The following CLSTN2 variants were observed in gnomAD, a reference collection of about 807,000 sequenced individuals.
CLSTN2 encodes calsyntenin-2.
CLSTN2 carries 48 observed loss-of-function variants against 101.2 expected under a neutral mutation model. That is an observed-to-expected ratio of 0.47 (90% CI 0.38 to 0.60). The LOEUF is 0.60. CLSTN2 is among the 20% of genes least tolerant of loss of function. The pLI, the probability that CLSTN2 is intolerant of heterozygous loss-of-function variation, is 0.00. For missense variants in CLSTN2, 1,160 were observed against 1,238.2 expected, an observed-to-expected ratio of 0.94 and a Z score of 0.95; for synonymous variants, 481 against 463.6, an observed-to-expected ratio of 1.04 and a Z score of -0.48.
At chr3:140,351,409 G>T (rs2087605482) in intron 2 of CLSTN2, among the ~76,000 whole-genome samples, 2 of 152,174 alleles carry the variant, frequency 1.3e-5, no homozygotes, top group Admixed American at 1.3e-4. Context: ...TTTACTACTA[G>T]CATTTCCCCT....
rs1240081597 is a variant in CLSTN2, at chr3:140,256,007, T to C, written c.232+79934T>C. On this transcript the variant is annotated intron_variant, in intron 2 of 16. Coordinates refer to ENST00000458420, the MANE Select transcript of CLSTN2 (RefSeq NM_022131.3). Reference sequence around the variant, plus strand: ...GCTGAATCTAACAAATTGATTTTTGTGTGTATAAGCCACGCCTCTGCCAAT... The same window carrying C: ...GCTGAATCTAACAAATTGATTTTTGCGTGTATAAGCCACGCCTCTGCCAAT... 2.0e-5 allele frequency among the ~76,000 whole-genome samples: 3 copies of C among 152,188 alleles called. No individual in the cohort carries two copies. In the South Asian group the frequency reaches 6.2e-4, roughly 32 times the overall value.
At chr3:140,024,524 A>C (rs2007379468) in intron 1 of CLSTN2, among the ~76,000 whole-genome samples, 1 of 152,150 alleles carries the variant, frequency 6.6e-6, no homozygotes, top group South Asian at 2.1e-4. Flanking sequence ...GCAGCCCCCT[A>C]GGCAGTCTCG....
intron 2 of CLSTN2, among the ~76,000 whole-genome samples, chr3:140,368,034 C>T (rs1440780987): frequency 6.6e-6 from 1 of 152,162 alleles, no homozygotes; most frequent in East Asian, 1.9e-4. Context: ...AGGGAGAATA[C>T]TGGAAACTCC....
chr3:140,546,064 T>C (rs556689746), intron 9 of CLSTN2, among the ~76,000 whole-genome samples: 51 of 152,306 alleles, frequency 3.3e-4, no homozygotes, highest in African/African-American at 1.2e-3. Flanking sequence ...TAGCTGTATA[T>C]GTCCTGGGGC....
At chr3:140,260,250 C>T (rs9844829) in intron 2 of CLSTN2, among the ~76,000 whole-genome samples, 26,272 of 151,044 alleles carry the variant, frequency 0.17, 2,284 homozygotes, top group Middle Eastern at 0.26. Context: ...ACCTTGAGAA[C>T]GGTTAAACGG....
rs1047320545 is a variant in CLSTN2, at chr3:140,206,952, G to A, written c.232+30879G>A. Among the ~76,000 whole-genome samples, 5 of 152,126 alleles carry A rather than the reference G, an allele frequency of 3.3e-5. No homozygotes were observed. The East Asian group carries it at 5.8e-4, about 18-fold the overall frequency. On this transcript the variant is annotated intron_variant, in intron 2 of 16. Transcript: ENST00000458420. ...CTATTCCCATGAGGGATCAGAACTT[G>A]CCCTGGCCTGAGTGGTACATTCAGC...
intron 1 of CLSTN2, among the ~76,000 whole-genome samples, chr3:140,142,813 A>G (rs1423016494): frequency 6.6e-6 from 1 of 152,172 alleles, no homozygotes; most frequent in Non-Finnish European, 1.5e-5. Flanking sequence ...CTTGGACTTC[A>G]GTTTGCCCAG....
chr3:140,026,067 G>T (rs1560073198), intron 1 of CLSTN2, among the ~76,000 whole-genome samples: 1 of 152,140 alleles, frequency 6.6e-6, no homozygotes, highest in Non-Finnish European at 1.5e-5. Context: ...TGCTCTCCAG[G>T]ATCTCTCCTG....
At chr3:140,498,240 C>T (rs1462545163) in intron 8 of CLSTN2, among the ~76,000 whole-genome samples, 7 of 152,172 alleles carry the variant, frequency 4.6e-5, no homozygotes, top group Admixed American at 6.5e-5. Flanking sequence ...CCACTGGCGC[C>T]GGTCTCCAAT....
At chr3:140,361,759 T>C (rs2087732751) in intron 2 of CLSTN2, among the ~76,000 whole-genome samples, 1 of 152,050 alleles carries the variant, frequency 6.6e-6, no homozygotes, top group South Asian at 2.1e-4. Flanking sequence ...TACCTGGGAA[T>C]AAATTTAACA....
chr3:140,408,668 T>G (rs1034696294), intron 4 of CLSTN2, among the ~76,000 whole-genome samples: 1 of 152,154 alleles, frequency 6.6e-6, no homozygotes, highest in Non-Finnish European at 1.5e-5. Context: ...TTACCACCTC[T>G]CTTCTTCCCC....
chr3:140,440,182 A>G (rs1299482883), intron 5 of CLSTN2, among the ~76,000 whole-genome samples: 2 of 152,200 alleles, frequency 1.3e-5, no homozygotes, highest in African/African-American at 2.4e-5. Flanking sequence ...GAGAAGGACC[A>G]GCCCTAGGAA....
intron 1 of CLSTN2, among the ~76,000 whole-genome samples, chr3:139,966,291 C>T (rs1327342317): frequency 2.0e-5 from 3 of 152,192 alleles, no homozygotes; most frequent in Non-Finnish European, 4.4e-5. Flanking sequence ...CTCATTATTT[C>T]CTGTCAGTAA....
intron 2 of CLSTN2, among the ~76,000 whole-genome samples, chr3:140,276,188 G>A (rs2086793093): frequency 6.6e-6 from 1 of 152,200 alleles, no homozygotes; most frequent in South Asian, 2.1e-4. Flanking sequence ...TGGAAGATGT[G>A]AAAGGTAGAG....
chr3:140,485,175 G>A (rs1934210514), intron 8 of CLSTN2, among the ~76,000 whole-genome samples: 1 of 152,222 alleles, frequency 6.6e-6, no homozygotes, highest in Non-Finnish European at 1.5e-5. Context: ...CCTTCTAACA[G>A]TGAGGACCCT....
intron 2 of CLSTN2, among the ~76,000 whole-genome samples, chr3:140,391,977 C>T (rs2107971118): frequency 6.6e-6 from 1 of 152,086 alleles, no homozygotes; most frequent in East Asian, 1.9e-4. Context: ...AAGGTCAAAT[C>T]CACTGTTGTT....
At chr3:140,302,028 G>A (rs2087065575) in intron 2 of CLSTN2, among the ~76,000 whole-genome samples, 1 of 152,048 alleles carries the variant, frequency 6.6e-6, no homozygotes, top group Admixed American at 6.6e-5. Context: ...TGCATGGATT[G>A]GACTTTGTTT....
At chr3:140,350,858 C>A (rs769821490) in intron 2 of CLSTN2, among the ~76,000 whole-genome samples, 9 of 152,182 alleles carry the variant, frequency 5.9e-5, no homozygotes, top group Non-Finnish European at 1.3e-4. Flanking sequence ...TGCCAAAAAT[C>A]TAGTTAAGTG....
In CLSTN2 at chr3:140,532,804, A is replaced by G. The variant is rs573950933; in HGVS notation, c.1507+318A>G. Among the ~76,000 whole-genome samples the G allele has an allele frequency of 3.9e-5, 6 of 152,292 alleles. No homozygotes were observed. In the South Asian group the frequency reaches 1.2e-3, roughly 32 times the overall value. On this transcript the variant is annotated intron_variant, in intron 9 of 16. Transcript: ENST00000458420. ...GGGGCAATGCAGAGAAAAAAACAGTATAGAATCTTGTGTTCAAACTTCTGG... is the reference window on the plus strand; with the variant it reads ...GGGGCAATGCAGAGAAAAAAACAGTGTAGAATCTTGTGTTCAAACTTCTGG...
Sources: gnomAD v4.1 joint callset for allele counts (sites outside exome capture counted in the v4.1 genomes callset) on GRCh38, gnomAD v4.1.1 for gene constraint, MANE v1.5 for transcripts, NCBI Gene and HGNC (gene_info 2026-07-23, HGNC 2026-07-21) for gene names.